CACNG2: variants seen among roughly 807,000 people sequenced by gnomAD.
CACNG2 encodes voltage-dependent calcium channel gamma-2 subunit.
A neutral mutation model predicts 25.9 loss-of-function variants in CACNG2; 3 were observed. The ratio of observed to expected loss-of-function variants is 0.12; its 90% CI spans 0.05 to 0.30. The LOEUF (loss-of-function observed/expected upper bound fraction) is 0.30. Ranked by LOEUF, CACNG2 falls within the 10% of genes least tolerant of loss-of-function variation. The pLI, the probability that CACNG2 is intolerant of heterozygous loss-of-function variation, is 1.00. For missense variants in CACNG2, 341 were observed against 432.5 expected (o/e 0.79, Z 1.88); for synonymous variants, 167 against 173.3 (o/e 0.96, Z 0.29).
chr22:36,681,151 T>C (rs1330816611), intron 1 of CACNG2, among the ~76,000 whole-genome samples: 1 of 152,230 alleles, frequency 6.6e-6, no homozygotes, highest in Non-Finnish European at 1.5e-5. Context: ...CATTTTCTTT[T>C]GCTTGTTGGT....
intron 1 of CACNG2, among the ~76,000 whole-genome samples, chr22:36,594,428 A>AG (rs1935641714): frequency 6.6e-6 from 1 of 152,196 alleles, no homozygotes; most frequent in Non-Finnish European, 1.5e-5. Flanking sequence ...CTGAGAACAG[A>AG]GGGGGAAAAA....
chr22:36,625,064 G>A (rs1207686790), intron 1 of CACNG2, among the ~76,000 whole-genome samples: 1 of 142,928 alleles, frequency 7.0e-6, no homozygotes, highest in African/African-American at 2.6e-5. Flanking sequence ...TAATCCTTGG[G>A]GTCCCTTCCA....
intron 1 of CACNG2, among the ~76,000 whole-genome samples, chr22:36,677,027 C>T (rs1288269037): frequency 1.3e-5 from 2 of 151,074 alleles, no homozygotes; most frequent in Non-Finnish European, 2.9e-5. Context: ...AATAATACTT[C>T]GGTGTCACCT....
intron 2 of CACNG2, among the ~76,000 whole-genome samples, chr22:36,575,233 T>C (rs778006461): frequency 6.6e-6 from 1 of 152,216 alleles, no homozygotes; most frequent in African/African-American, 2.4e-5. Flanking sequence ...TTATTTTCTA[T>C]GAGGGTGACA....
At chr22:36,598,372 C>T (rs866813940) in intron 1 of CACNG2, among the ~76,000 whole-genome samples, 2 of 152,204 alleles carry the variant, frequency 1.3e-5, no homozygotes, top group Non-Finnish European at 2.9e-5. Flanking sequence ...AATCCCAGCA[C>T]GTTGGGAGGC....
chr22:36,642,657 C>T (rs1313830221), intron 1 of CACNG2, among the ~76,000 whole-genome samples: 1 of 152,220 alleles, frequency 6.6e-6, no homozygotes, highest in Non-Finnish European at 1.5e-5. Context: ...TAACCAGTCT[C>T]CTGCCCTGCA....
chr22:36,702,101 T>C (rs550994618), intron 1 of CACNG2, among the ~76,000 whole-genome samples: 1 of 152,110 alleles, frequency 6.6e-6, no homozygotes, highest in Admixed American at 6.5e-5. Context: ...GACAATCTCT[T>C]GTCGTTTTCA....
In CACNG2 at chr22:36,663,679, G is replaced by T. The variant is rs557584582; in HGVS notation, c.211+38687C>A. On this transcript the variant is annotated intron_variant, in intron 1 of 3. Coordinates refer to ENST00000300105, the MANE Select transcript of CACNG2 (RefSeq NM_006078.5). ...AGCAGACATCCAAAGAGTTTGCAGC[G>T]CTCGCAGAGTCCTCAGCATCCCTGG... 5.9e-5 allele frequency among the ~76,000 whole-genome samples: 9 copies of T among 152,294 alleles called. No individual in the cohort carries two copies. The South Asian group carries it at 1.7e-3, about 28-fold the overall frequency.
chr22:36,604,232 G>C (rs894775479), intron 1 of CACNG2, among the ~76,000 whole-genome samples: 1 of 152,246 alleles, frequency 6.6e-6, no homozygotes, highest in Non-Finnish European at 1.5e-5. Flanking sequence ...CTGAAGATGT[G>C]AGTGAATTGC....
rs566863358 is a variant in CACNG2, at chr22:36,683,485, C to T, written c.211+18881G>A. On this transcript the variant is annotated intron_variant, in intron 1 of 3. Transcript: ENST00000300105. ...CACTATCTCTCTTAGGCTTGTGAGTCATATTATCCCAGCCCTTCCTAAATA... is the reference window on the plus strand; with the variant it reads ...CACTATCTCTCTTAGGCTTGTGAGTTATATTATCCCAGCCCTTCCTAAATA... Among the ~76,000 whole-genome samples the T allele has an allele frequency of 8.0e-4, 122 of 152,196 alleles. 1 individual carries two copies. Among genetic ancestry groups the T allele is most frequent in the Non-Finnish European group, 1.3e-3 (90 of 68,038 alleles).
chr22:36,564,141 A>C lies in CACNG2; in HGVS notation c.*210T>G. The C allele has an allele frequency of 4.4e-6, 2 of 451,616 alleles. No individual in the cohort carries two copies. The highest frequency in any genetic ancestry group is 3.8e-6 in the Non-Finnish European group (1 of 260,036). 28.0% of individuals were successfully genotyped at this position (451,616 alleles called of 1,614,324 possible). On this transcript the variant is annotated 3_prime_UTR_variant, in exon 4 of 4. Transcript: ENST00000300105. This position sits in a 1 kb window ranked among gnomAD's most constrained non-coding sequence, Gnocchi z 6.7. ...GTTGTTTTGCTTCTTTGTTCCTCTT[A>C]TATTTTGTTCTTTTTTTTAAAATTT...
chr22:36,620,360 C>A (rs1484160792), intron 1 of CACNG2, among the ~76,000 whole-genome samples: 1 of 152,188 alleles, frequency 6.6e-6, no homozygotes, highest in African/African-American at 2.4e-5. Context: ...TAAGTGATAG[C>A]AAAACTCATG....
intron 1 of CACNG2, among the ~76,000 whole-genome samples, chr22:36,636,401 G>A (rs1252599758): frequency 6.6e-6 from 1 of 152,190 alleles, no homozygotes; most frequent in African/African-American, 2.4e-5. Flanking sequence ...GTTGCGCCTA[G>A]ATCAGGTTCC....
chr22:36,686,152 G>A (rs990189116), intron 1 of CACNG2, among the ~76,000 whole-genome samples: 1 of 152,196 alleles, frequency 6.6e-6, no homozygotes, highest in Non-Finnish European at 1.5e-5. Flanking sequence ...GAGGCTGGCA[G>A]GAGAAAGGGG....
chr22:36,603,503 T>A (rs1935784514), intron 1 of CACNG2, among the ~76,000 whole-genome samples: 1 of 152,204 alleles, frequency 6.6e-6, no homozygotes, highest in African/African-American at 2.4e-5. Context: ...TGGAAGAAGA[T>A]GCCATCTAGG....
intron 1 of CACNG2, among the ~76,000 whole-genome samples, chr22:36,641,372 G>T (rs1936440559): frequency 6.6e-6 from 1 of 152,218 alleles, no homozygotes; most frequent in Admixed American, 6.5e-5. Context: ...CAAGTTCCCA[G>T]TAGGCAGTAA....
intron 1 of CACNG2, among the ~76,000 whole-genome samples, chr22:36,640,711 C>A (rs1936431910): frequency 1.3e-5 from 2 of 152,242 alleles, no homozygotes; most frequent in African/African-American, 4.8e-5. Flanking sequence ...TGTTTCCGCG[C>A]TTGTTCCTGT....
chr22:36,565,057 T>C (rs1282549389), intron 3 of CACNG2, among the ~76,000 whole-genome samples, 171 bp from the exon 4 acceptor site: 1 of 152,204 alleles, frequency 6.6e-6, no homozygotes, highest in Non-Finnish European at 1.5e-5. Context: ...AAGCTTCCCC[T>C]TAACATTTTA....
At chr22:36,663,013 G>A (rs192048062) in intron 1 of CACNG2, among the ~76,000 whole-genome samples, 1 of 148,946 alleles carries the variant, frequency 6.7e-6, no homozygotes, top group Non-Finnish European at 1.5e-5. Context: ...GAACACTCAC[G>A]ATATGTTTCT....
Sources: gnomAD v4.1 joint callset for allele counts (sites outside exome capture counted in the v4.1 genomes callset) on GRCh38, gnomAD v4.1.1 for gene constraint, Gnocchi (gnomAD v3.1) non-coding constraint, MANE v1.5 for transcripts, NCBI Gene and HGNC (gene_info 2026-07-23, HGNC 2026-07-21) for gene names.